Variants in PPP2R2B observed in about 807,000 individuals in gnomAD.
PPP2R2B encodes protein phosphatase 2 regulatory subunit Bbeta.
PPP2R2B carries 5 observed loss-of-function variants against 46.0 expected under a neutral mutation model. That is an observed-to-expected ratio of 0.11 (90% CI 0.06 to 0.23). The LOEUF (loss-of-function observed/expected upper bound fraction) is 0.23. Among genes scored for constraint, PPP2R2B ranks in the 10% least tolerant of loss-of-function variants. The pLI, the probability that PPP2R2B is intolerant of heterozygous loss-of-function variation, is 1.00. For missense variants in PPP2R2B, 367 were observed against 575.0 expected (o/e 0.64, Z 3.70); for synonymous variants, 215 against 206.7 (o/e 1.04, Z -0.34).
chr5:146,635,624 G>T (rs1180180732), intron 7 of PPP2R2B, among the ~76,000 whole-genome samples: 2 of 152,168 alleles, frequency 1.3e-5, no homozygotes, highest in Non-Finnish European at 2.9e-5. Context: ...CAGAAAGCCC[G>T]GTTCTGCCTT....
intron 1 of PPP2R2B, among the ~76,000 whole-genome samples, chr5:146,957,503 T>C (rs1261501246): frequency 1.3e-5 from 2 of 152,164 alleles, no homozygotes; most frequent in Admixed American, 1.3e-4. Flanking sequence ...AAATAGTGTA[T>C]TTAAGTTGAG....
chr5:146,938,631 T>G (rs553240751), intron 1 of PPP2R2B, among the ~76,000 whole-genome samples: 1 of 152,094 alleles, frequency 6.6e-6, no homozygotes, highest in Non-Finnish European at 1.5e-5. Context: ...TACATAGGAA[T>G]TAAAATCTTG....
chr5:146,670,476 A>ATTAT (rs58516893), intron 5 of PPP2R2B, among the ~76,000 whole-genome samples: 92,067 of 144,012 alleles, frequency 0.64, 30,017 homozygotes, highest in Non-Finnish European at 0.7. Context: ...TATGTGTACT[A>ATTAT]TTATTTATTT....
At chr5:146,986,847 T>C (rs1218213810) in intron 1 of PPP2R2B, among the ~76,000 whole-genome samples, 1 of 152,128 alleles carries the variant, frequency 6.6e-6, no homozygotes, top group Non-Finnish European at 1.5e-5. Flanking sequence ...GGAAAGCTTA[T>C]TTAAAGAAAT....
chr5:146,850,924 T>C (rs1760310520), intron 2 of PPP2R2B, among the ~76,000 whole-genome samples: 1 of 152,134 alleles, frequency 6.6e-6, no homozygotes, highest in Admixed American at 6.6e-5. Context: ...AAAGACTTTC[T>C]AGAATATTAA....
chr5:146,647,312 T>C (rs1217609733), intron 6 of PPP2R2B, among the ~76,000 whole-genome samples: 2 of 88,600 alleles, frequency 2.3e-5, no homozygotes, highest in Non-Finnish European at 5.1e-5. Context: ...CCATGTTTCT[T>C]CTGTCTCCTT....
intron 1 of PPP2R2B, among the ~76,000 whole-genome samples, chr5:146,897,500 C>G (rs1375103763): frequency 1.3e-5 from 2 of 152,172 alleles, no homozygotes; most frequent in Non-Finnish European, 2.9e-5. Flanking sequence ...TGTGCCTACT[C>G]ACTGTATAAT....
intron 2 of PPP2R2B, among the ~76,000 whole-genome samples, chr5:146,759,988 G>A (rs746720803): frequency 2.0e-5 from 3 of 152,140 alleles, no homozygotes; most frequent in Non-Finnish European, 4.4e-5. Flanking sequence ...AAGACAGTGA[G>A]AGCATCTGAT....
chr5:146,615,716 T>TA (rs1773108146), intron 7 of PPP2R2B, among the ~76,000 whole-genome samples: 1 of 151,700 alleles, frequency 6.6e-6, no homozygotes, highest in South Asian at 2.1e-4. Flanking sequence ...CAATGAAAAT[T>TA]AAAAAACACT....
rs1487763137 is a variant in PPP2R2B, at chr5:146,878,091, G to T, written c.-20C>A. 1 of 1,614,046 alleles carries T rather than the reference G, an allele frequency of 6.2e-7. No homozygotes were observed. The highest frequency in any genetic ancestry group is 8.5e-7 in the Non-Finnish European group (1 of 1,180,034). ...CTCCATTGACAGCAGGCTTACTTGCGTGGGAACCAGAAGCCGGCAGACAAG... is the reference window on the plus strand; with the variant it reads ...CTCCATTGACAGCAGGCTTACTTGCTTGGGAACCAGAAGCCGGCAGACAAG... On this transcript the variant is annotated 5_prime_UTR_variant, in exon 2 of 10. Transcript: ENST00000394411. The surrounding 1 kb of genome is among the most constrained non-coding windows in gnomAD (Gnocchi z 4.5).
At chr5:146,603,707 G>A (rs1406854644) in intron 7 of PPP2R2B, among the ~76,000 whole-genome samples, 1 of 152,188 alleles carries the variant, frequency 6.6e-6, no homozygotes, top group Non-Finnish European at 1.5e-5. Flanking sequence ...TTGATGGGAA[G>A]CTTATAATAC....
intron 1 of PPP2R2B, among the ~76,000 whole-genome samples, chr5:147,039,969 G>A (rs201630334): frequency 1.3e-5 from 2 of 152,162 alleles, no homozygotes; most frequent in East Asian, 3.9e-4. Flanking sequence ...AACATTTATT[G>A]AGTCCCTTCT....
chr5:146,806,404 T>C (rs930348602), intron 2 of PPP2R2B, among the ~76,000 whole-genome samples: 3 of 152,176 alleles, frequency 2.0e-5, no homozygotes, highest in Admixed American at 1.3e-4. Flanking sequence ...CTCCAGGAAA[T>C]AGCTTGTGTA....
chr5:146,598,616 C>T (rs916809685), intron 8 of PPP2R2B, among the ~76,000 whole-genome samples: 1 of 152,200 alleles, frequency 6.6e-6, no homozygotes, highest in African/African-American at 2.4e-5. Context: ...CTTGGCAACT[C>T]TACTTTTCTA....
intron 2 of PPP2R2B, among the ~76,000 whole-genome samples, chr5:146,813,548 T>C (rs1471351883): frequency 6.6e-6 from 1 of 152,202 alleles, no homozygotes; most frequent in Non-Finnish European, 1.5e-5. Flanking sequence ...CACTGGCAGC[T>C]GTCCGGGTCC....
chr5:146,653,893 C>T (rs1776152661), intron 5 of PPP2R2B, among the ~76,000 whole-genome samples: 1 of 152,062 alleles, frequency 6.6e-6, no homozygotes, highest in African/African-American at 2.4e-5. Context: ...AACATCAGTC[C>T]CAGGCCTACG....
At chr5:147,025,429 C>A (rs1173981670) in intron 1 of PPP2R2B, among the ~76,000 whole-genome samples, 1 of 151,650 alleles carries the variant, frequency 6.6e-6, no homozygotes, top group Admixed American at 6.6e-5. Flanking sequence ...GCAAGCATTA[C>A]CCCAACGCTA....
chr5:147,017,272 A>T (rs1208646222), intron 1 of PPP2R2B, among the ~76,000 whole-genome samples: 2 of 151,490 alleles, frequency 1.3e-5, no homozygotes, highest in East Asian at 2.1e-4. Flanking sequence ...TATTTGGATG[A>T]TTGTGCAGAC....
chr5:146,765,295 A>AT (rs1210170221), intron 2 of PPP2R2B, among the ~76,000 whole-genome samples: 6 of 152,240 alleles, frequency 3.9e-5, no homozygotes, highest in Admixed American at 6.5e-5. Flanking sequence ...ACGTCTAGGC[A>AT]GTGTGTGTTT....
Sources: allele counts gnomAD v4.1 joint callset (sites outside exome capture counted in the v4.1 genomes callset), GRCh38; gene constraint gnomAD v4.1.1; non-coding constraint Gnocchi (gnomAD v3.1); transcripts MANE v1.5; gene names NCBI Gene and HGNC (gene_info 2026-07-23, HGNC 2026-07-21).